The following CDH13 variants were observed in gnomAD, a reference collection of about 807,000 sequenced individuals.
The protein encoded by CDH13 is cadherin 13, also known as cadherin-13.
In CDH13, 24 loss-of-function variants were observed where a neutral mutation model predicts 63.8. That is an observed-to-expected ratio of 0.38 (90% CI 0.27 to 0.53). The LOEUF (loss-of-function observed/expected upper bound fraction) is 0.53. Ranked by LOEUF, CDH13 falls within the 20% of genes least tolerant of loss-of-function variation. CDH13 has a pLI of 0.85. For synonymous variants in CDH13, 503 were observed against 355.3 expected, an observed-to-expected ratio of 1.42 and a Z score of -4.67; for missense variants, 1,049 against 903.1, an observed-to-expected ratio of 1.16 and a Z score of -2.07.
chr16:83,126,411 T>C (rs1055798490), intron 4 of CDH13, among the ~76,000 whole-genome samples: 2 of 152,180 alleles, frequency 1.3e-5, no homozygotes, highest in Non-Finnish European at 2.9e-5. Context: ...AGGGAGAGGC[T>C]GTCTGTTATG....
chr16:83,072,806 G>A (rs1371347296), intron 3 of CDH13, among the ~76,000 whole-genome samples: 2 of 152,126 alleles, frequency 1.3e-5, no homozygotes, highest in African/African-American at 4.8e-5. Flanking sequence ...CCTTACCCCA[G>A]ATCTACTGAA....
At chr16:83,648,283 G>A (rs1418462065) in intron 8 of CDH13, among the ~76,000 whole-genome samples, 2 of 152,164 alleles carry the variant, frequency 1.3e-5, no homozygotes, top group African/African-American at 4.8e-5. Flanking sequence ...GGGTGGTCTC[G>A]AGGCAGAACA....
chr16:82,910,493 A>G (rs924747367), intron 2 of CDH13, among the ~76,000 whole-genome samples: 1 of 152,064 alleles, frequency 6.6e-6, no homozygotes, highest in Non-Finnish European at 1.5e-5. Context: ...TATTAGATAA[A>G]TATCTTCCCC....
chr16:83,404,703 C>G (rs977940396), intron 6 of CDH13, among the ~76,000 whole-genome samples: 3 of 152,166 alleles, frequency 2.0e-5, no homozygotes, highest in African/African-American at 7.2e-5. Context: ...GTACCCTTCC[C>G]CAGAACAGCC....
At chr16:82,627,337 C>CGTGCGTGTGTGT (rs1555525839) in intron 1 of CDH13, among the ~76,000 whole-genome samples, 200 bp downstream of exon 1, 5,033 of 131,100 alleles carry the variant, frequency 0.038, 182 homozygotes, top group Admixed American at 0.067. Context: ...CTCTGGCGTG[C>CGTGCGTGTGTGT]GTGTGTGTGT....
At chr16:82,671,279 G>A (rs892231869) in intron 1 of CDH13, among the ~76,000 whole-genome samples, 1 of 152,124 alleles carries the variant, frequency 6.6e-6, no homozygotes, top group African/African-American at 2.4e-5. Flanking sequence ...TTATTTTTTG[G>A]TGTGGTCTTC....
intron 7 of CDH13, among the ~76,000 whole-genome samples, chr16:83,508,690 C>T (rs79510224): frequency 0.028 from 4,262 of 152,280 alleles, 195 homozygotes; most frequent in African/African-American, 0.097. Flanking sequence ...ATAATCTGCC[C>T]ATTGCCACCT....
chr16:83,276,916 A>C (rs1036970138), intron 5 of CDH13, among the ~76,000 whole-genome samples: 8 of 152,152 alleles, frequency 5.3e-5, no homozygotes, highest in African/African-American at 1.9e-4. Flanking sequence ...AGATGTTGGC[A>C]GGCAGAGAGA....
intron 3 of CDH13, among the ~76,000 whole-genome samples, chr16:83,060,348 A>T (rs1567791538): frequency 6.6e-6 from 1 of 152,196 alleles, no homozygotes; most frequent in Non-Finnish European, 1.5e-5. Flanking sequence ...CATTCTTAAA[A>T]ATCCAGCATT....
intron 2 of CDH13, among the ~76,000 whole-genome samples, chr16:82,993,929 A>C (rs1446302896): frequency 6.6e-6 from 1 of 151,178 alleles, no homozygotes; most frequent in East Asian, 2.0e-4. Flanking sequence ...AGAAGCAAGC[A>C]CTCCCCCTCC....
rs7197543 is a variant in CDH13 at position 82,644,838 on chromosome 16, T to C, written c.45+17701T>C. The stretch of plus-strand genomic sequence containing the variant: ...GTCCTCCCTGGTCAGTTTTCCAGCA[T>C]AGCGTTTTGCAAAATGTGTTCTGAA... On this transcript the variant is annotated intron_variant, in intron 1 of 13. Coordinates refer to ENST00000567109, the MANE Select transcript of CDH13 (RefSeq NM_001257.5). The surrounding 1 kb of genome is among the most constrained non-coding windows in gnomAD (Gnocchi z 5.7). 1.4e-4 allele frequency among the ~76,000 whole-genome samples: 21 copies of C among 152,226 alleles called. No homozygotes were observed. In the Middle Eastern group the frequency reaches 0.01, roughly 74 times the overall value.
At chr16:82,856,491 C>T (rs1473501345) in intron 1 of CDH13, among the ~76,000 whole-genome samples, 1 of 150,956 alleles carries the variant, frequency 6.6e-6, no homozygotes, top group Admixed American at 6.6e-5. Context: ...CACTTAAGCT[C>T]AGGAGTTTGA....
At chr16:83,149,003 A>C (rs1044489298) in intron 4 of CDH13, among the ~76,000 whole-genome samples, 2 of 152,210 alleles carry the variant, frequency 1.3e-5, no homozygotes, top group Non-Finnish European at 2.9e-5. Context: ...AAATTAATTC[A>C]ATTATAAATA....
chr16:83,501,773 C>G (rs1714536688), intron 7 of CDH13, among the ~76,000 whole-genome samples: 1 of 152,162 alleles, frequency 6.6e-6, no homozygotes, highest in South Asian at 2.1e-4. Flanking sequence ...AAGCACGGGA[C>G]ATATTGATGG....
chr16:82,974,448 G>A (rs3859085), intron 2 of CDH13, among the ~76,000 whole-genome samples: 2 of 152,090 alleles, frequency 1.3e-5, no homozygotes, highest in African/African-American at 4.8e-5. Flanking sequence ...AGGTTCCTTG[G>A]CTTATATTTG....
chr16:82,761,867 C>T (rs2034869755), intron 1 of CDH13, among the ~76,000 whole-genome samples: 1 of 152,124 alleles, frequency 6.6e-6, no homozygotes, highest in South Asian at 2.1e-4. Context: ...CACATACACA[C>T]ACATCCTAGT....
At chr16:82,911,458 C>T (rs563621897) in intron 2 of CDH13, among the ~76,000 whole-genome samples, 1 of 152,280 alleles carries the variant, frequency 6.6e-6, no homozygotes, top group Non-Finnish European at 1.5e-5. Context: ...GGGAACTCTG[C>T]AGGGGCTACA....
At chr16:82,968,354 G>T (rs1159765874) in intron 2 of CDH13, among the ~76,000 whole-genome samples, 1 of 152,122 alleles carries the variant, frequency 6.6e-6, no homozygotes, top group Non-Finnish European at 1.5e-5. Flanking sequence ...TTTCCAAGAA[G>T]GCCTCAGACC....
intron 2 of CDH13, among the ~76,000 whole-genome samples, chr16:82,878,801 C>G (rs2040594321): frequency 6.6e-6 from 1 of 151,952 alleles, no homozygotes; most frequent in Non-Finnish European, 1.5e-5. Flanking sequence ...CTGTCATCAG[C>G]AATTGTGCCT....
Sources: allele counts gnomAD v4.1 joint callset (sites outside exome capture counted in the v4.1 genomes callset), GRCh38; gene constraint gnomAD v4.1.1; non-coding constraint Gnocchi (gnomAD v3.1); transcripts MANE v1.5; gene names NCBI Gene and HGNC (gene_info 2026-07-23, HGNC 2026-07-21).